Variants in CEP63 observed in about 807,000 individuals in gnomAD.
The protein encoded by CEP63 is centrosomal protein of 63 kDa.
A neutral mutation model predicts 89.1 loss-of-function variants in CEP63; 84 were observed. That is an observed-to-expected ratio of 0.94 (90% CI 0.79 to 1.13). CEP63 has a LOEUF of 1.13. CEP63 is among the 50% of genes most tolerant of loss of function. The pLI, the probability that CEP63 is intolerant of heterozygous loss-of-function variation, is 0.00. For missense variants in CEP63, 838 were observed against 813.3 expected (o/e 1.03, Z -0.37); for synonymous variants, 267 against 272.5 (o/e 0.98, Z 0.20).
the CEP63 span, among the ~76,000 whole-genome samples, chr3:134,686,271 G>A: frequency 6.6e-6 from 1 of 152,348 alleles, no homozygotes; most frequent in African/African-American, 2.4e-5. Flanking sequence ...TCTCCCTGAA[G>A]ACTTGTTTAT....
At position 134,562,304 on chromosome 3, in the gene CEP63, G is replaced by T; in HGVS notation, c.*769G>T. On this transcript the variant is annotated 3_prime_UTR_variant, in exon 15 of 15. Coordinates refer to ENST00000675561, the MANE Select transcript of CEP63 (RefSeq NM_001353108.3). ...GGAGTTGATAAGATCCACCAGGGAG[G>T]CTGTGGAGAGAGAGAGGAGCAGGAG... 1 of 840,786 alleles carries T rather than the reference G, an allele frequency of 1.2e-6. No individual in the cohort carries two copies. The highest frequency in any genetic ancestry group is 1.4e-6 in the Non-Finnish European group (1 of 697,674). The allele number at this position is 840,786 out of a possible 1,614,324, so 52.1% of individuals were successfully genotyped here. A position where few individuals can be genotyped will look rare whatever the true frequency, so the allele number is the denominator to read the frequency against.
chr3:134,581,883 G>C (rs1372158660), intron 10 of CEP63, among the ~76,000 whole-genome samples: 1 of 151,390 alleles, frequency 6.6e-6, no homozygotes, highest in Non-Finnish European at 1.5e-5. Context: ...CACCGTGTTA[G>C]CCAGGATGGT....
chr3:134,534,856 C>G (rs1950478692), intron 5 of CEP63, among the ~76,000 whole-genome samples: 1 of 152,122 alleles, frequency 6.6e-6, no homozygotes, highest in African/African-American at 2.4e-5. Context: ...ACTCTCAACA[C>G]CTTTCCCCAC....
the CEP63 span, among the ~76,000 whole-genome samples, chr3:134,709,417 G>A: frequency 7.1e-6 from 1 of 141,422 alleles, no homozygotes; most frequent in African/African-American, 2.6e-5. Context: ...AATGACTGCT[G>A]CTATATGATC....
At position 134,558,273 on chromosome 3, in the gene CEP63, G is replaced by T; in HGVS notation, c.1599G>T (p.Met533Ile). 8.7e-6 allele frequency: 14 copies of T among 1,613,834 alleles called. No individual in the cohort carries two copies. Among genetic ancestry groups the T allele is most frequent in the Non-Finnish European group, 1.2e-5 (14 of 1,179,848 alleles). ...CTCAGCTGGAGATTTCTACTCAGATGTGCAAAAAACAAAATGACAGGATCT... is the reference window on the plus strand; with the variant it reads ...CTCAGCTGGAGATTTCTACTCAGATTTGCAAAAAACAAAATGACAGGATCT... ...TKSQLEISTQ[M>I]CKKQNDRIFK... Residue 533 changes from methionine (M) to isoleucine (I), a missense_variant, in exon 13 of 15, where the codon ATG becomes ATT. By Grantham distance (10) the Met-to-Ile change is conservative (BLOSUM62 1). Coordinates refer to ENST00000675561, the MANE Select transcript of CEP63 (RefSeq NM_001353108.3).
the CEP63 span, among the ~76,000 whole-genome samples, chr3:134,622,758 G>T: frequency 6.6e-6 from 1 of 152,200 alleles, no homozygotes; most frequent in Non-Finnish European, 1.5e-5. Context: ...TGAGGTTGCT[G>T]GAAAGATGGC....
chr3:134,768,345 C>T, the CEP63 span, among the ~76,000 whole-genome samples: 1 of 152,202 alleles, frequency 6.6e-6, no homozygotes, highest in African/African-American at 2.4e-5. Context: ...TTTTCAGGAA[C>T]AAGGACCTCA....
the CEP63 span, among the ~76,000 whole-genome samples, chr3:134,742,988 T>C: frequency 6.6e-6 from 1 of 152,240 alleles, no homozygotes. Context: ...CAGCCCAGGC[T>C]CTGTCTCTGT....
chr3:134,636,591 C>T, the CEP63 span, among the ~76,000 whole-genome samples: 2 of 152,214 alleles, frequency 1.3e-5, no homozygotes, highest in Admixed American at 6.5e-5. Flanking sequence ...AGCCAACCCA[C>T]CAGCTGACAA....
chr3:134,516,136 G>A (rs1946151419), intron 3 of CEP63, among the ~76,000 whole-genome samples: 1 of 152,198 alleles, frequency 6.6e-6, no homozygotes, highest in Admixed American at 6.5e-5. Flanking sequence ...TCTCGGAGAG[G>A]GGGATGTGGC....
At chr3:134,617,490 A>G in the CEP63 span, among the ~76,000 whole-genome samples, 2 of 152,320 alleles carry the variant, frequency 1.3e-5, no homozygotes, top group African/African-American at 2.4e-5. Flanking sequence ...GATAGGATGT[A>G]TGACAACAAC....
Position 134,549,170 on chromosome 3 carries a change from T to A in CEP63, c.1176T>A (p.Ile392=), listed in dbSNP as rs778844095. The change falls in exon 10 of 15, where the codon ATT becomes ATA. Residue 392 remains isoleucine (I), a synonymous_variant. Coordinates refer to ENST00000675561, the MANE Select transcript of CEP63 (RefSeq NM_001353108.3). ...ATAACAATGAATACAAAGCAGAGAT[T>A]AAGAAGGTAAAAATCTGCATACCTA... The part of the protein sequence containing the change: ...EAHNNEYKAE[I]KKLKEQILQG... 1.9e-6 allele frequency: 3 copies of A among 1,599,798 alleles called. No individual in the cohort carries two copies. Among genetic ancestry groups the A allele is most frequent in the South Asian group, 2.2e-5 (2 of 90,756 alleles).
chr3:134,699,943 G>A, the CEP63 span, among the ~76,000 whole-genome samples: 1 of 152,230 alleles, frequency 6.6e-6, no homozygotes. Context: ...AGAACTGACT[G>A]AGTCAAGGCT....
chr3:134,674,130 C>T, the CEP63 span, among the ~76,000 whole-genome samples: 1 of 152,320 alleles, frequency 6.6e-6, no homozygotes, highest in Admixed American at 6.5e-5. Context: ...GTCTTTCCTA[C>T]AGAACACAAA....
At chr3:134,691,953 G>T in the CEP63 span, among the ~76,000 whole-genome samples, 11 of 152,054 alleles carry the variant, frequency 7.2e-5, no homozygotes, top group Non-Finnish European at 1.5e-4. Context: ...CTTGTGATCT[G>T]CTCGTCTTGA....
At chr3:134,701,982 T>C in the CEP63 span, among the ~76,000 whole-genome samples, 3 of 152,152 alleles carry the variant, frequency 2.0e-5, no homozygotes, top group Non-Finnish European at 2.9e-5. Flanking sequence ...TTGATATGAC[T>C]GTATTGGAAA....
the CEP63 span, among the ~76,000 whole-genome samples, chr3:134,693,777 G>T: frequency 6.6e-6 from 1 of 152,208 alleles, no homozygotes; most frequent in South Asian, 2.1e-4. Context: ...TGAGTGCAAG[G>T]GCTTGCAGGG....
chr3:134,600,817 G>T, the CEP63 span: 2 of 152,384 alleles, frequency 1.3e-5, no homozygotes, highest in East Asian at 3.9e-4. Context: ...AACACACCAG[G>T]TTGTCCCCCA....
At chr3:134,523,105 G>A (rs1043157327) in intron 3 of CEP63, among the ~76,000 whole-genome samples, 3 of 152,148 alleles carry the variant, frequency 2.0e-5, no homozygotes, top group African/African-American at 7.2e-5. Flanking sequence ...TGACCAATGT[G>A]AGATGGTATT....
Sources: allele counts gnomAD v4.1 joint callset (sites outside exome capture counted in the v4.1 genomes callset), GRCh38; gene constraint gnomAD v4.1.1; transcripts MANE v1.5; gene names NCBI Gene and HGNC (gene_info 2026-07-23, HGNC 2026-07-21).